The following SMIM19 variants were observed in gnomAD, a reference collection of about 807,000 sequenced individuals.
SMIM19 encodes the protein small integral membrane protein 19, also known as UPF0697 protein C8orf40.
In SMIM19, 6 loss-of-function variants were observed where a neutral mutation model predicts 13.2. The ratio of observed to expected loss-of-function variants is 0.45; its 90% CI spans 0.25 to 0.90. The LOEUF (loss-of-function observed/expected upper bound fraction) is 0.90, where lower values mean the gene tolerates loss of function less well. SMIM19 is among the 40% of genes least tolerant of loss of function. The pLI is 0.19. For synonymous variants in SMIM19, 46 were observed against 43.1 expected (o/e 1.07, Z -0.27); for missense variants, 138 against 131.0 (o/e 1.05, Z -0.26).
At chr8:42,544,729 C>T (rs1043518197) in intron 1 of SMIM19, among the ~76,000 whole-genome samples, 1 of 152,158 alleles carries the variant, frequency 6.6e-6, no homozygotes, top group African/African-American at 2.4e-5. Flanking sequence ...CAGTATGTCC[C>T]CAAACATCTG....
chr8:42,541,279 C>T (rs1032755757), upstream of SMIM19: 2 of 150,718 alleles, frequency 1.3e-5, no homozygotes, highest in African/African-American at 4.8e-5. Context: ...CCACGTGGGC[C>T]AGCAGGCGCG....
rs546404496 is a variant in SMIM19, at chr8:42,546,366, G to T, written c.-4-103G>T. 3.0e-6 allele frequency: 4 copies of T among 1,344,044 alleles called. No homozygotes were observed. In the South Asian group the frequency reaches 7.3e-5, roughly 24 times the overall value. The allele number at this position is 1,344,044 out of a possible 1,614,324, so 83.3% of individuals were successfully genotyped here. A position where few individuals can be genotyped will look rare whatever the true frequency, so the allele number is the denominator to read the frequency against. ...CTCATGGGCCGCACACAAACAGGTG[G>T]TGGACTGGATTTGGCCAGCAGGCCA... On this transcript the variant is annotated intron_variant, in intron 1 of 3. Coordinates refer to ENST00000417410, the MANE Select transcript of SMIM19 (RefSeq NM_001135674.2).
chr8:42,554,687 G>A lies in SMIM19; in HGVS notation c.*2079G>A, dbSNP rs762920824. 6.6e-6 allele frequency: 1 copy of A among 152,242 alleles called. No individual in the cohort carries two copies. The highest frequency in any genetic ancestry group is 2.4e-5 in the African/African-American group (1 of 41,458). 9.4% of individuals were successfully genotyped at this position (152,242 alleles called of 1,614,324 possible). A position where few individuals can be genotyped will look rare whatever the true frequency, so the allele number is the denominator to read the frequency against. On this transcript the variant is annotated 3_prime_UTR_variant, in exon 4 of 4. Coordinates refer to ENST00000417410, the MANE Select transcript of SMIM19 (RefSeq NM_001135674.2). ...AACAGCTGAATTGGGGAGAGCGCAA[G>A]CCCTGCAGCCACACTTCAAAGCGGC...
At chr8:42,550,371 G>T (rs1813633777) in intron 3 of SMIM19, among the ~76,000 whole-genome samples, 1 of 152,158 alleles carries the variant, frequency 6.6e-6, no homozygotes, top group African/African-American at 2.4e-5. Flanking sequence ...ACACGAACAT[G>T]TTGTCTCACG....
At chr8:42,551,757 A>G (rs1249236687) in intron 3 of SMIM19, among the ~76,000 whole-genome samples, 13 of 152,122 alleles carry the variant, frequency 8.5e-5, no homozygotes. Context: ...AGCCTGGGCA[A>G]CATGGTGAAA....
At chr8:42,543,325 A>G (rs915151271) in intron 1 of SMIM19, among the ~76,000 whole-genome samples, 4 of 152,162 alleles carry the variant, frequency 2.6e-5, no homozygotes, top group South Asian at 2.1e-4. Context: ...ACTCAGGACC[A>G]GAGCACTCCT....
At chr8:42,552,381 GCA>G (rs1255025713) in intron 3 of SMIM19, among the ~76,000 whole-genome samples, 161 bp from the exon 4 acceptor site, 1 of 152,208 alleles carries the variant, frequency 6.6e-6, no homozygotes, top group Non-Finnish European at 1.5e-5. Flanking sequence ...TTGTGCCACT[GCA>G]CTGCAGCCTG....
At chr8:42,548,493 A>C in intron 2 of SMIM19, 163 bp from the exon 3 acceptor site, 1 of 826,010 alleles carries the variant, frequency 1.2e-6, no homozygotes, top group Admixed American at 2.0e-5. Context: ...GAAAGAAAGA[A>C]TACTTTGAGC....
At chr8:42,543,874 C>T (rs761498477) in intron 1 of SMIM19, among the ~76,000 whole-genome samples, 3 of 152,184 alleles carry the variant, frequency 2.0e-5, no homozygotes, top group Non-Finnish European at 4.4e-5. Context: ...GGGCCTTCTG[C>T]AGCATCTCAA....
At position 42,552,821 on chromosome 8, in the gene SMIM19, T is replaced by C. The variant is rs1250414769; in HGVS notation, c.*213T>C. The C allele has an allele frequency of 1.8e-5, 9 of 507,274 alleles. No homozygotes were observed. The highest frequency in any genetic ancestry group is 1.1e-4 in the African/African-American group (6 of 52,532). The allele number at this position is 507,274 out of a possible 1,614,324, so 31.4% of individuals were successfully genotyped here. A position where few individuals can be genotyped will look rare whatever the true frequency, so the allele number is the denominator to read the frequency against. Reference sequence around the variant, plus strand: ...AGGGAACCTGCACATATCCAGGATATGTGTAACCAGCGATGGTGACTTGAC... The same window carrying C: ...AGGGAACCTGCACATATCCAGGATACGTGTAACCAGCGATGGTGACTTGAC... On this transcript the variant is annotated 3_prime_UTR_variant, in exon 4 of 4. Transcript: ENST00000417410.
At chr8:42,548,114 A>G (rs566991331) in intron 2 of SMIM19, among the ~76,000 whole-genome samples, 1 of 152,346 alleles carries the variant, frequency 6.6e-6, no homozygotes. Flanking sequence ...ATCACCTGGC[A>G]GGTGACCGCT....
At chr8:42,544,612 T>C (rs1263339030) in intron 1 of SMIM19, among the ~76,000 whole-genome samples, 1 of 151,436 alleles carries the variant, frequency 6.6e-6, no homozygotes, top group Non-Finnish European at 1.5e-5. Flanking sequence ...CAAATCTTTA[T>C]ATTCAGCAGA....
At chr8:42,548,809 CA>C in intron 3 of SMIM19, 29 bp downstream of exon 3, 1 of 1,571,548 alleles carries the variant, frequency 6.4e-7, no homozygotes, top group Non-Finnish European at 8.6e-7. Flanking sequence ...GAAAGATACA[CA>C]TATGCACATT....
chr8:42,544,533 G>C (rs1019825760), intron 1 of SMIM19, among the ~76,000 whole-genome samples: 136 of 152,166 alleles, frequency 8.9e-4, no homozygotes, highest in Middle Eastern at 3.4e-3. Context: ...ACAATATTTA[G>C]ATAGTGCATC....
chr8:42,544,397 C>T (rs1312206715), intron 1 of SMIM19, among the ~76,000 whole-genome samples: 2 of 143,138 alleles, frequency 1.4e-5, no homozygotes, highest in African/African-American at 2.6e-5. Context: ...GGTGACAGAG[C>T]GAGACTCTGT....
At position 42,552,677 on chromosome 8, in the gene SMIM19, G is replaced by T; in HGVS notation, c.*69G>T. On this transcript the variant is annotated 3_prime_UTR_variant, in exon 4 of 4. Transcript: ENST00000417410. The stretch of plus-strand genomic sequence containing the variant: ...GATTCTTTCTACTAAATCATGAACA[G>T]CTTTAAAAACATTTCTGTCTGCATA... 6.7e-7 allele frequency: 1 copy of T among 1,500,458 alleles called. No individual in the cohort carries two copies. The highest frequency in any genetic ancestry group is 2.3e-5 in the East Asian group (1 of 44,194). 92.9% of individuals were successfully genotyped at this position (1,500,458 alleles called of 1,614,324 possible). A position where few individuals can be genotyped will look rare whatever the true frequency, so the allele number is the denominator to read the frequency against.
chr8:42,552,362 G>A (rs1262985838), intron 3 of SMIM19, among the ~76,000 whole-genome samples, 182 bp from the exon 4 acceptor site: 1 of 152,190 alleles, frequency 6.6e-6, no homozygotes, highest in African/African-American at 2.4e-5. Context: ...AAGCTGCAGT[G>A]AGCTGTGATT....
chr8:42,542,403 G>A (rs1180308038), intron 1 of SMIM19, 30 bp downstream of exon 1: 1 of 984,552 alleles, frequency 1.0e-6, no homozygotes, highest in Admixed American at 6.2e-5. Flanking sequence ...AGAATACCAA[G>A]CCTTTAGTGT....
At chr8:42,551,054 C>A (rs567847087) in intron 3 of SMIM19, among the ~76,000 whole-genome samples, 1 of 152,266 alleles carries the variant, frequency 6.6e-6, no homozygotes, top group South Asian at 2.1e-4. Context: ...CGTGGTGGCT[C>A]ACACCTGTAA....
Sources: allele counts gnomAD v4.1 joint callset (sites outside exome capture counted in the v4.1 genomes callset), GRCh38; gene constraint gnomAD v4.1.1; transcripts MANE v1.5; gene names NCBI Gene and HGNC (gene_info 2026-07-23, HGNC 2026-07-21).